Variants in ABCD3 observed in about 807,000 individuals in gnomAD.
ABCD3 encodes ATP-binding cassette sub-family D member 3.
ABCD3 carries 41 observed loss-of-function variants against 105.5 expected under a neutral mutation model. The observed-to-expected ratio is 0.39, with a 90% CI of 0.30 to 0.50. The LOEUF is 0.50. Among genes scored for constraint, ABCD3 ranks in the 20% least tolerant of loss-of-function variants. ABCD3 has a pLI of 0.84. For synonymous variants in ABCD3, 258 were observed against 269.0 expected (o/e 0.96, Z 0.40); for missense variants, 622 against 806.3 (o/e 0.77, Z 2.77).
upstream of ABCD3, among the ~76,000 whole-genome samples, chr1:94,414,617 C>T (rs1019727588): frequency 6.6e-6 from 1 of 152,048 alleles, no homozygotes; most frequent in African/African-American, 2.4e-5. Flanking sequence ...AAAATCCTAC[C>T]CGGTTGGATT....
intron 2 of ABCD3, among the ~76,000 whole-genome samples, chr1:94,461,294 G>C (rs1369312746): frequency 6.6e-6 from 1 of 152,008 alleles, no homozygotes; most frequent in Non-Finnish European, 1.5e-5. Context: ...TTGTGATGGA[G>C]ATAGGGTGGG....
chr1:94,433,116 A>G (rs1259462204), intron 1 of ABCD3, among the ~76,000 whole-genome samples: 1 of 151,618 alleles, frequency 6.6e-6, no homozygotes, highest in East Asian at 1.9e-4. Context: ...TCGGCCTCCC[A>G]AAGTGCTGGG....
At chr1:94,500,476 C>T (rs554329284) in intron 20 of ABCD3, among the ~76,000 whole-genome samples, 9 of 151,934 alleles carry the variant, frequency 5.9e-5, no homozygotes, top group Non-Finnish European at 1.0e-4. Context: ...TTAAAAAGAA[C>T]GGTAGTTTGG....
At chr1:94,418,822 T>G in intron 1 of ABCD3, 2 of 549,548 alleles carry the variant, frequency 3.6e-6, no homozygotes. Context: ...GTGCGAATTC[T>G]TCTGTGCCCG....
At chr1:94,495,076 G>T (rs1649733584) in intron 16 of ABCD3, among the ~76,000 whole-genome samples, 1 of 152,084 alleles carries the variant, frequency 6.6e-6, no homozygotes, top group South Asian at 2.1e-4. Flanking sequence ...GTGAGATCCT[G>T]TCTCCAAAAA....
Position 94,438,249 on chromosome 1 carries a change from T to C in ABCD3, c.110+19661T>C, listed in dbSNP as rs1570745515. 2.0e-5 allele frequency among the ~76,000 whole-genome samples: 3 copies of C among 148,724 alleles called. No homozygotes were observed. The East Asian group carries it at 6.0e-4, about 30-fold the overall frequency. The stretch of plus-strand genomic sequence containing the variant: ...TTGCAGTGAGCCGAGATCACATCAT[T>C]GCACTCCAGCCTGGCAACAGAGCAA... On this transcript the variant is annotated intron_variant, in intron 1 of 22. Coordinates refer to ENST00000370214, the MANE Select transcript of ABCD3 (RefSeq NM_002858.4).
At chr1:94,496,320 T>C (rs1649796989) in intron 16 of ABCD3, among the ~76,000 whole-genome samples, 1 of 152,186 alleles carries the variant, frequency 6.6e-6, no homozygotes, top group Non-Finnish European at 1.5e-5. Context: ...AGGAATCACA[T>C]ATAAGTGAAG....
chr1:94,397,043 A>G, the ABCD3 span, among the ~76,000 whole-genome samples: 2 of 152,360 alleles, frequency 1.3e-5, no homozygotes, highest in East Asian at 3.9e-4. Flanking sequence ...ATGCAAAAAT[A>G]AAGCTCTTGA....
At chr1:94,511,187 G>A (rs1241742484) in intron 21 of ABCD3, among the ~76,000 whole-genome samples, 1 of 151,920 alleles carries the variant, frequency 6.6e-6, no homozygotes, top group Non-Finnish European at 1.5e-5. Context: ...GGCAGGCCCG[G>A]TGGTGACAAA....
intron 16 of ABCD3, among the ~76,000 whole-genome samples, chr1:94,496,183 C>A (rs147674920): frequency 6.6e-6 from 1 of 152,280 alleles, no homozygotes; most frequent in Non-Finnish European, 1.5e-5. Flanking sequence ...CCACCACTAT[C>A]CATTTCCAGA....
intron 1 of ABCD3, among the ~76,000 whole-genome samples, chr1:94,440,874 C>A (rs746371986): frequency 6.6e-6 from 1 of 152,054 alleles, no homozygotes; most frequent in Non-Finnish European, 1.5e-5. Context: ...AAAATAATCC[C>A]ATTTATCTCA....
chr1:94,425,900 C>T (rs528056963), intron 1 of ABCD3, among the ~76,000 whole-genome samples: 4 of 152,134 alleles, frequency 2.6e-5, no homozygotes, highest in South Asian at 2.1e-4. Context: ...TTCCTTTGGC[C>T]GTTTGTCAGA....
rs551415431 is a variant in ABCD3 at position 94,502,592 on chromosome 1, G to A, written c.1740+2978G>A. Among the ~76,000 whole-genome samples, 4 of 151,460 alleles carry A rather than the reference G, an allele frequency of 2.6e-5. No homozygotes were observed. The South Asian group carries it at 8.4e-4, about 32-fold the overall frequency. ...GCTTACCGTAATCTCTGCCTCCCAG[G>A]TTCAAGAGATTCTCCTGCCTCAGCC... On this transcript the variant is annotated intron_variant, in intron 20 of 22. Coordinates refer to ENST00000370214, the MANE Select transcript of ABCD3 (RefSeq NM_002858.4).
chr1:94,458,576 A>T (rs1396291535), intron 1 of ABCD3, 31 bp from the exon 2 acceptor site: 1 of 1,594,696 alleles, frequency 6.3e-7, no homozygotes, highest in Admixed American at 1.7e-5. Flanking sequence ...CACATAAAGT[A>T]AAGCTCTCTC....
intron 9 of ABCD3, chr1:94,482,875 T>C (rs1443906575): frequency 2.7e-6 from 1 of 370,416 alleles, no homozygotes; most frequent in African/African-American, 2.0e-5. Flanking sequence ...AGCAACTTCT[T>C]TCTCTAATTT....
intron 21 of ABCD3, among the ~76,000 whole-genome samples, chr1:94,507,318 A>G (rs906305970): frequency 1.8e-4 from 27 of 152,234 alleles, no homozygotes; most frequent in Middle Eastern, 3.4e-3. Context: ...AAGGACATGA[A>G]CTCATCATTT....
chr1:94,447,670 G>A (rs548047512), intron 1 of ABCD3, among the ~76,000 whole-genome samples: 13 of 152,184 alleles, frequency 8.5e-5, no homozygotes, highest in Admixed American at 3.3e-4. Context: ...GCCCCCTATC[G>A]AGAAACATTA....
intron 4 of ABCD3, among the ~76,000 whole-genome samples, chr1:94,470,147 A>C (rs1648379692): frequency 6.6e-6 from 1 of 152,096 alleles, no homozygotes; most frequent in Non-Finnish European, 1.5e-5. Context: ...AAGGGAGATA[A>C]ATTTTTGAGA....
the ABCD3 span, among the ~76,000 whole-genome samples, chr1:94,408,635 C>T: frequency 6.6e-6 from 1 of 152,034 alleles, no homozygotes; most frequent in East Asian, 1.9e-4. Flanking sequence ...AAAGAATGGG[C>T]AGAGCCTGCC....
Sources: gnomAD v4.1 joint callset for allele counts (sites outside exome capture counted in the v4.1 genomes callset) on GRCh38, gnomAD v4.1.1 for gene constraint, MANE v1.5 for transcripts, NCBI Gene and HGNC (gene_info 2026-07-23, HGNC 2026-07-21) for gene names.